NLGN1: variants seen among roughly 807,000 people sequenced by gnomAD.
The protein encoded by NLGN1 is neuroligin 1, also known as neuroligin-1.
Under a neutral mutation model 65.5 loss-of-function variants are expected in NLGN1, and 12 were observed. The ratio of observed to expected loss-of-function variants is 0.18; its 90% confidence interval spans 0.12 to 0.30. The LOEUF (loss-of-function observed/expected upper bound fraction) is 0.30, where lower values mean the gene tolerates loss of function less well. NLGN1 is among the 10% of genes least tolerant of loss of function. The probability of loss-of-function intolerance (pLI) is 1.00; values close to 1 mark genes in which losing one functional copy is unlikely to be tolerated. For missense variants in NLGN1, 750 were observed against 1,007.1 expected (o/e 0.74, Z 3.46); for synonymous variants, 350 against 359.5 (o/e 0.97, Z 0.30).
At chr3:173,772,405 G>A (rs1316860529) in intron 3 of NLGN1, among the ~76,000 whole-genome samples, 2 of 151,886 alleles carry the variant, frequency 1.3e-5, no homozygotes, top group African/African-American at 4.8e-5. Flanking sequence ...ATCACCTGAG[G>A]TCAGAAGTTT....
chr3:174,265,044 T>C (rs1157585479), intron 4 of NLGN1, among the ~76,000 whole-genome samples: 1 of 152,050 alleles, frequency 6.6e-6, no homozygotes, highest in Non-Finnish European at 1.5e-5. Context: ...CGTTCTCAGA[T>C]CTCCAGCTGC....
intron 4 of NLGN1, among the ~76,000 whole-genome samples, chr3:174,184,840 A>G (rs1042907840): frequency 1.1e-4 from 16 of 152,160 alleles, no homozygotes; most frequent in African/African-American, 3.1e-4. Flanking sequence ...CTACCCAGAC[A>G]TGGTCTCATG....
intron 3 of NLGN1, among the ~76,000 whole-genome samples, chr3:173,617,140 C>G (rs78795243): frequency 0.053 from 8,049 of 152,138 alleles, 480 homozygotes; most frequent in African/African-American, 0.14. Context: ...TTTTATAATT[C>G]AAGTTTTGGA....
intron 3 of NLGN1, among the ~76,000 whole-genome samples, chr3:173,688,480 C>A (rs1413414505): frequency 6.6e-6 from 1 of 152,102 alleles, no homozygotes; most frequent in Non-Finnish European, 1.5e-5. Flanking sequence ...TGGAGAGCGA[C>A]TAAAAAGGTC....
At chr3:173,685,293 A>AG (rs531195510) in intron 3 of NLGN1, among the ~76,000 whole-genome samples, 3 of 152,220 alleles carry the variant, frequency 2.0e-5, no homozygotes, top group Non-Finnish European at 2.9e-5. Context: ...GGACAAGAAA[A>AG]GAACAGATTC....
At chr3:173,546,992 C>A (rs891971810) in intron 2 of NLGN1, among the ~76,000 whole-genome samples, 4 of 151,988 alleles carry the variant, frequency 2.6e-5, no homozygotes, top group Non-Finnish European at 5.9e-5. Context: ...ATTATAAGTC[C>A]CTTGCTTACT....
intron 3 of NLGN1, among the ~76,000 whole-genome samples, chr3:173,700,260 A>G (rs1045796218): frequency 1.3e-5 from 2 of 152,200 alleles, no homozygotes; most frequent in African/African-American, 2.4e-5. Context: ...TTTTTATACC[A>G]TTCTGTTTCT....
At chr3:174,179,609 A>T (rs1230741457) in intron 4 of NLGN1, among the ~76,000 whole-genome samples, 3 of 152,124 alleles carry the variant, frequency 2.0e-5, no homozygotes, top group African/African-American at 7.2e-5. Context: ...ATAGATTTTT[A>T]AAGAATTCCA....
intron 2 of NLGN1, among the ~76,000 whole-genome samples, chr3:173,460,289 A>ATG (rs1473289659): frequency 6.6e-6 from 1 of 152,154 alleles, no homozygotes; most frequent in Admixed American, 6.6e-5. Flanking sequence ...AGGAGGCAAC[A>ATG]TGCTTCATAA....
chr3:173,714,041 A>G (rs1439749494), intron 3 of NLGN1, among the ~76,000 whole-genome samples: 1 of 152,160 alleles, frequency 6.6e-6, no homozygotes, highest in Non-Finnish European at 1.5e-5. Context: ...AAATGTTTGA[A>G]TGCAAAGTGT....
At chr3:174,002,217 T>G (rs1227821769) in intron 4 of NLGN1, among the ~76,000 whole-genome samples, 2 of 152,170 alleles carry the variant, frequency 1.3e-5, no homozygotes, top group Non-Finnish European at 2.9e-5. Flanking sequence ...AGCCTCCGCC[T>G]CCTCGGTTCA....
chr3:174,099,056 T>G (rs1296654967), intron 4 of NLGN1, among the ~76,000 whole-genome samples: 1 of 152,176 alleles, frequency 6.6e-6, no homozygotes, highest in Non-Finnish European at 1.5e-5. Flanking sequence ...GAAGATAAAT[T>G]ATTAAAACTG....
chr3:173,777,917 T>C (rs1780563307), intron 3 of NLGN1, among the ~76,000 whole-genome samples: 1 of 151,872 alleles, frequency 6.6e-6, no homozygotes, highest in Non-Finnish European at 1.5e-5. Context: ...TCTAGCATGT[T>C]TATAACTGAT....
At chr3:173,667,761 C>G (rs1761913701) in intron 3 of NLGN1, among the ~76,000 whole-genome samples, 1 of 152,118 alleles carries the variant, frequency 6.6e-6, no homozygotes, top group Admixed American at 6.5e-5. Context: ...TCCCGATTAG[C>G]TGGGACTACA....
At chr3:173,629,235 G>A (rs1343177833) in intron 3 of NLGN1, among the ~76,000 whole-genome samples, 1 of 151,800 alleles carries the variant, frequency 6.6e-6, no homozygotes, top group African/African-American at 2.4e-5. Flanking sequence ...ATATTCCCAG[G>A]CTGGAGTTGA....
At chr3:174,197,514 A>G (rs1733647088) in intron 4 of NLGN1, among the ~76,000 whole-genome samples, 1 of 109,528 alleles carries the variant, frequency 9.1e-6, no homozygotes, top group Non-Finnish European at 1.9e-5. Context: ...ACGGTACTTA[A>G]CCTCAAAAAA....
chr3:173,972,705 A>G (rs534566933), intron 4 of NLGN1, among the ~76,000 whole-genome samples: 1 of 152,264 alleles, frequency 6.6e-6, no homozygotes, highest in African/African-American at 2.4e-5. Flanking sequence ...CTGTGAGTTA[A>G]GAGTCCTGGT....
At chr3:173,712,998 A>C (rs1308152626) in intron 3 of NLGN1, among the ~76,000 whole-genome samples, 5 of 152,154 alleles carry the variant, frequency 3.3e-5, no homozygotes, top group Admixed American at 6.6e-5. Flanking sequence ...ATACTTAAAG[A>C]CAAAGGGACA....
intron 4 of NLGN1, among the ~76,000 whole-genome samples, chr3:174,077,095 T>C (rs1226365907): frequency 6.6e-6 from 1 of 152,164 alleles, no homozygotes; most frequent in Non-Finnish European, 1.5e-5. Flanking sequence ...AAAATTTGCC[T>C]TATGTATCTT....
Sources: gnomAD v4.1 joint callset for allele counts (sites outside exome capture counted in the v4.1 genomes callset) on GRCh38, gnomAD v4.1.1 for gene constraint, MANE v1.5 for transcripts, NCBI Gene and HGNC (gene_info 2026-07-23, HGNC 2026-07-21) for gene names.